The following MYRIP variants were observed in gnomAD, a reference collection of about 807,000 sequenced individuals.
The protein encoded by MYRIP is rab effector MyRIP.
In MYRIP, 49 loss-of-function variants were observed where a neutral mutation model predicts 98.0. That is an observed-to-expected ratio of 0.50 (90% confidence interval 0.40 to 0.63). The LOEUF (loss-of-function observed/expected upper bound fraction) is 0.63. Ranked by LOEUF, MYRIP falls within the 30% of genes least tolerant of loss-of-function variation. The pLI is 0.00. For missense variants in MYRIP, 1,004 were observed against 1,058.2 expected, an observed-to-expected ratio of 0.95 and a Z score of 0.71; for synonymous variants, 404 against 409.5, an observed-to-expected ratio of 0.99 and a Z score of 0.16.
chr3:39,982,732 G>C (rs926982128), intron 2 of MYRIP, among the ~76,000 whole-genome samples: 1 of 152,070 alleles, frequency 6.6e-6, no homozygotes, highest in African/African-American at 2.4e-5. Context: ...TCAATTTGTT[G>C]TTGTTATTGC....
intron 2 of MYRIP, among the ~76,000 whole-genome samples, chr3:39,952,645 C>T (rs372248324): frequency 3.4e-4 from 51 of 152,090 alleles, no homozygotes; most frequent in South Asian, 2.1e-3. Flanking sequence ...AGGCTAATAC[C>T]GCCTCATAGA....
chr3:39,872,376 G>A (rs1332657093), intron 1 of MYRIP, among the ~76,000 whole-genome samples: 1 of 151,630 alleles, frequency 6.6e-6, no homozygotes, highest in Non-Finnish European at 1.5e-5. Flanking sequence ...TAGGGTACAT[G>A]TGCACAATGT....
At chr3:39,934,694 A>G (rs1003904558) in intron 2 of MYRIP, among the ~76,000 whole-genome samples, 6 of 152,182 alleles carry the variant, frequency 3.9e-5, no homozygotes. Context: ...AGCAGCAGTG[A>G]CTGACTTATT....
chr3:40,119,152 C>A (rs1949345915), intron 3 of MYRIP, among the ~76,000 whole-genome samples: 1 of 151,976 alleles, frequency 6.6e-6, no homozygotes, highest in Admixed American at 6.6e-5. Flanking sequence ...GAGGAATCGC[C>A]ACACTGACTT....
intron 3 of MYRIP, among the ~76,000 whole-genome samples, chr3:40,085,995 A>G (rs540743537): frequency 7.2e-5 from 11 of 152,324 alleles, no homozygotes; most frequent in African/African-American, 1.7e-4. Flanking sequence ...GATATGTGTT[A>G]TAATACCAAG....
intron 2 of MYRIP, among the ~76,000 whole-genome samples, chr3:39,919,719 T>TGA (rs1219817798): frequency 1.1e-3 from 157 of 146,944 alleles, no homozygotes; most frequent in African/African-American, 1.8e-3. Flanking sequence ...TGTGTGTGTG[T>TGA]GTGTGTGTGA....
chr3:40,006,349 A>G (rs1263022967), intron 2 of MYRIP, among the ~76,000 whole-genome samples: 1 of 152,072 alleles, frequency 6.6e-6, no homozygotes, highest in Non-Finnish European at 1.5e-5. Flanking sequence ...AGACTGCGCC[A>G]CTGTACTCCA....
intron 1 of MYRIP, among the ~76,000 whole-genome samples, chr3:39,822,478 T>TC (rs1301932104): frequency 6.6e-6 from 1 of 152,104 alleles, no homozygotes; most frequent in Admixed American, 6.5e-5. Flanking sequence ...ATTTTTTTTT[T>TC]CTCATCAGCT....
At chr3:39,946,308 A>C (rs1468832737) in intron 2 of MYRIP, among the ~76,000 whole-genome samples, 1 of 152,180 alleles carries the variant, frequency 6.6e-6, no homozygotes, top group African/African-American at 2.4e-5. Flanking sequence ...GGTGGGCAGA[A>C]TGTTACAATG....
rs111486692 is a variant in MYRIP at position 40,244,626 on chromosome 3, G to A, written c.2262+19G>A. 1.9e-6 allele frequency: 3 copies of A among 1,600,428 alleles called. No homozygotes were observed. The Admixed American group carries it at 5.1e-5, about 27-fold the overall frequency. ...ACTCCAGGTGAGAACTCTCCTCTCT[G>A]CCCACATGGGTCCTGCAGGGTGAAA... is the stretch of plus-strand genomic sequence containing the variant. On this transcript the variant is annotated intron_variant, in intron 13 of 16. Transcript: ENST00000302541.
chr3:40,063,150 A>C (rs1436859775), intron 3 of MYRIP, among the ~76,000 whole-genome samples: 1 of 152,226 alleles, frequency 6.6e-6, no homozygotes, highest in African/African-American at 2.4e-5. Context: ...CAAAATGTTG[A>C]TGTCACAAAA....
At chr3:39,879,693 T>C (rs1943110338) in intron 1 of MYRIP, among the ~76,000 whole-genome samples, 1 of 152,136 alleles carries the variant, frequency 6.6e-6, no homozygotes, top group African/African-American at 2.4e-5. Context: ...ACCCTCTAAC[T>C]TGTTGGCCTT....
intron 1 of MYRIP, among the ~76,000 whole-genome samples, chr3:39,843,648 G>T (rs1941873842): frequency 6.6e-6 from 1 of 152,170 alleles, no homozygotes; most frequent in Non-Finnish European, 1.5e-5. Flanking sequence ...GAGGAAACTG[G>T]CAGTTAAGTA....
intron 3 of MYRIP, among the ~76,000 whole-genome samples, chr3:40,062,510 C>A (rs1029016919): frequency 1.3e-5 from 2 of 152,216 alleles, no homozygotes; most frequent in Admixed American, 1.3e-4. Context: ...AAATATATTT[C>A]ATTTTAAATA....
chr3:40,171,747 C>T (rs1799413), intron 8 of MYRIP, among the ~76,000 whole-genome samples: 54,153 of 152,204 alleles, frequency 0.36, 11,750 homozygotes, highest in Non-Finnish European at 0.48. Flanking sequence ...ATTCCTTGTG[C>T]AGCCAACACA....
chr3:40,205,480 C>T (rs780249980), intron 10 of MYRIP, among the ~76,000 whole-genome samples: 3 of 152,090 alleles, frequency 2.0e-5, no homozygotes, highest in Non-Finnish European at 2.9e-5. Context: ...AAATAATGGT[C>T]CCATTACACG....
intron 2 of MYRIP, among the ~76,000 whole-genome samples, chr3:39,970,557 T>A (rs1170613511): frequency 6.6e-6 from 1 of 152,134 alleles, no homozygotes; most frequent in African/African-American, 2.4e-5. Context: ...TTTCCCCACT[T>A]ATTTGCCAGA....
At chr3:39,952,399 T>A (rs1427416399) in intron 2 of MYRIP, among the ~76,000 whole-genome samples, 1 of 152,176 alleles carries the variant, frequency 6.6e-6, no homozygotes, top group Non-Finnish European at 1.5e-5. Context: ...CATGTAGGAT[T>A]TTGTGACATG....
intron 2 of MYRIP, among the ~76,000 whole-genome samples, chr3:39,981,611 C>G (rs1374149983): frequency 6.6e-6 from 1 of 152,156 alleles, no homozygotes; most frequent in Non-Finnish European, 1.5e-5. Flanking sequence ...TGGGGTCTTG[C>G]TGCAGAGACT....
Sources: gnomAD v4.1 joint callset for allele counts (sites outside exome capture counted in the v4.1 genomes callset) on GRCh38, gnomAD v4.1.1 for gene constraint, MANE v1.5 for transcripts, NCBI Gene and HGNC (gene_info 2026-07-23, HGNC 2026-07-21) for gene names.